Variants in KIF26A observed in about 807,000 individuals in gnomAD.
KIF26A encodes the protein kinesin family member 26A, also known as kinesin-like protein KIF26A.
A neutral mutation model predicts 126.0 loss-of-function variants in KIF26A; 74 were observed. The ratio of observed to expected loss-of-function variants is 0.59; its 90% CI spans 0.49 to 0.71. KIF26A has a LOEUF of 0.71. Ranked by LOEUF, KIF26A falls within the 30% of genes least tolerant of loss-of-function variation. The probability of loss-of-function intolerance (pLI) is 0.00; values close to 1 mark genes in which losing one functional copy is unlikely to be tolerated. For missense variants in KIF26A, 2,984 were observed against 2,763.3 expected (o/e 1.08, Z -1.79); for synonymous variants, 1,445 against 1,232.7 (o/e 1.17, Z -3.61).
intron 2 of KIF26A, among the ~76,000 whole-genome samples, chr14:104,144,836 G>A (rs183742540): frequency 6.6e-6 from 1 of 152,244 alleles, no homozygotes; most frequent in African/African-American, 2.4e-5. Flanking sequence ...GAGTAAATAA[G>A]TAAGAGTAAA....
In KIF26A at chr14:104,177,533, C is replaced by CGTGGGGCTCGGCGGACTCAGACA; in HGVS notation, c.4747_4769dup (p.His1592AlafsTer13). 1 of 1,536,756 alleles carries CGTGGGGCTCGGCGGACTCAGACA rather than the reference C, an allele frequency of 6.5e-7. No homozygotes were observed. The highest frequency in any genetic ancestry group is 8.7e-7 in the Non-Finnish European group (1 of 1,146,946). On this transcript the variant is annotated frameshift_variant, in exon 12 of 15. Coordinates refer to ENST00000423312, the MANE Select transcript of KIF26A (RefSeq NM_015656.2). LOFTEE classifies it high-confidence loss of function. ...GGAGCCCCGGGCCGAGGTGGCTCCT[C>CGTGGGGCTCGGCGGACTCAGACA]GTGGGGCTCGGCGGACTCAGACAGC...
intron 4 of KIF26A, among the ~76,000 whole-genome samples, chr14:104,159,172 G>A (rs1247027748): frequency 6.6e-6 from 1 of 152,214 alleles, no homozygotes; most frequent in Non-Finnish European, 1.5e-5. Flanking sequence ...CCCCAATTAG[G>A]TGCCGAGAGC....
chr14:104,165,760 T>C (rs886966839), intron 4 of KIF26A, among the ~76,000 whole-genome samples: 1 of 151,838 alleles, frequency 6.6e-6, no homozygotes, highest in African/African-American at 2.4e-5. Context: ...TGTGTTTCTG[T>C]ATGCATGTGT....
In KIF26A at chr14:104,172,049, C is replaced by A. The variant is rs924916339; in HGVS notation, c.1326+114C>A. 38 of 1,025,440 alleles carry A rather than the reference C, an allele frequency of 3.7e-5. No homozygotes were observed. The African/African-American group carries it at 3.9e-4, about 10-fold the overall frequency. The allele number at this position is 1,025,440 out of a possible 1,614,324, so 63.5% of individuals were successfully genotyped here. On this transcript the variant is annotated intron_variant, in intron 6 of 14. Coordinates refer to ENST00000423312, the MANE Select transcript of KIF26A (RefSeq NM_015656.2). ...GTGCAGGGCGCAGAGGAAGCGTGAG[C>A]GAGGGGCCCGCTGCCTGCGGCGCCT...
intron 6 of KIF26A, 22 bp downstream of exon 6, chr14:104,171,957 G>T: frequency 6.5e-7 from 1 of 1,544,214 alleles, no homozygotes; most frequent in South Asian, 1.2e-5. Flanking sequence ...CGGACTGGGC[G>T]TCCTCCCGGA....
At position 104,173,062 on chromosome 14, in the gene KIF26A, C is replaced by T; in HGVS notation, c.1506C>T (p.Leu502=). The part of the protein sequence containing the change: ...VPCAISWLFR[L]IEERRERTGT... ...GCGCCATCTCCTGGCTCTTCAGGCT[C>T]ATCGAGGAGCGCAGGGAGAGGACGG... Residue 502 remains leucine, a synonymous_variant, in exon 8 of 15, where the codon CTC becomes CTT. Coordinates refer to ENST00000423312, the MANE Select transcript of KIF26A (RefSeq NM_015656.2). 3.1e-6 allele frequency: 5 copies of T among 1,605,538 alleles called. No homozygotes were observed. In the East Asian group the frequency reaches 6.7e-5, roughly 22 times the overall value.
At position 104,178,900 on chromosome 14, in the gene KIF26A, A is replaced by G. The variant is rs1390060770; in HGVS notation, c.5316+145A>G. 9 of 595,522 alleles carry G rather than the reference A, an allele frequency of 1.5e-5. No homozygotes were observed. In the South Asian group the frequency reaches 1.8e-4, roughly 12 times the overall value. 36.9% of individuals were successfully genotyped at this position (595,522 alleles called of 1,614,324 possible). A position where few individuals can be genotyped will look rare whatever the true frequency, so the allele number is the denominator to read the frequency against. ...CTCACTTTCTGTCCACGTTCCTCCC[A>G]GGACGCAAAGGTAGGAGCGGCCCTG... On this transcript the variant is annotated intron_variant, in intron 13 of 14. Transcript: ENST00000423312.
At position 104,150,428 on chromosome 14, in the gene KIF26A, G is replaced by A. The variant is rs146383274; in HGVS notation, c.289-1587G>A. 2.0e-4 allele frequency among the ~76,000 whole-genome samples: 31 copies of A among 151,926 alleles called. No individual in the cohort carries two copies. In the East Asian group the frequency reaches 5.1e-3, roughly 25 times the overall value. On this transcript the variant is annotated intron_variant, in intron 2 of 14. Transcript: ENST00000423312. Reference sequence around the variant, plus strand: ...CCTGATGGGGGTCGCCTTTTCATGCGACCTGCCTGGGACTGTGGGGAGTGT... The same window carrying A: ...CCTGATGGGGGTCGCCTTTTCATGCAACCTGCCTGGGACTGTGGGGAGTGT...
intron 3 of KIF26A, among the ~76,000 whole-genome samples, chr14:104,154,328 G>A (rs1211723977): frequency 6.6e-6 from 1 of 152,196 alleles, no homozygotes; most frequent in Non-Finnish European, 1.5e-5. Context: ...TTTGGCCTCG[G>A]CCGAGGCTTG....
In KIF26A at chr14:104,138,762, G is replaced by A; in HGVS notation, c.40G>A (p.Ala14Thr). 1 of 1,257,486 alleles carries A rather than the reference G, an allele frequency of 8.0e-7. No homozygotes were observed. Among genetic ancestry groups the A allele is most frequent in the Non-Finnish European group, 1.0e-6 (1 of 1,003,868 alleles). 77.9% of individuals were successfully genotyped at this position (1,257,486 alleles called of 1,614,324 possible). A position where few individuals can be genotyped will look rare whatever the true frequency, so the allele number is the denominator to read the frequency against. ...CGTCCCTCTGTGCGCTGCGCAGCCC[G>A]CGGTACGCGCGGCCCGGCCTGGAGA... Reference protein sequence around the residue: ...RGVPLCAAQPAVAEGGPAREP... With the variant: ...RGVPLCAAQPTVAEGGPAREP... Residue 14 changes from alanine (A) to threonine (T), a missense_variant and splice_region_variant, in exon 1 of 15, where the codon GCG becomes ACG. Transcript: ENST00000423312.
chr14:104,151,716 G>T lies in KIF26A; in HGVS notation c.289-299G>T, dbSNP rs1482886331. 6.6e-6 allele frequency among the ~76,000 whole-genome samples: 1 copy of T among 152,194 alleles called. No homozygotes were observed. The highest frequency in any genetic ancestry group is 1.5e-5 in the Non-Finnish European group (1 of 68,036). ...CGGCCAGGCGGCCTTAGCTGACAGT[G>T]GTCCGGTTGTCCGGGAGCCGCAAAC... On this transcript the variant is annotated intron_variant, in intron 2 of 14. Coordinates refer to ENST00000423312, the MANE Select transcript of KIF26A (RefSeq NM_015656.2). The surrounding 1 kb of genome is among the most constrained non-coding windows in gnomAD (Gnocchi z 4.9).
chr14:104,177,270 T>C lies in KIF26A; in HGVS notation c.4482T>C (p.Pro1494=), dbSNP rs1215610784. The change falls in exon 12 of 15, where the codon CCT becomes CCC. Residue 1494 remains proline (P), a synonymous_variant. Coordinates refer to ENST00000423312, the MANE Select transcript of KIF26A (RefSeq NM_015656.2). ...AGGCTGTGGGGGCCCCCAAGCCCCC[T>C]GTTGGTGGAGGCAAGGGCCGTGGCC... ...AAKAVGAPKP[P]VGGGKGRGLV... 1 of 1,594,108 alleles carries C rather than the reference T, an allele frequency of 6.3e-7. No homozygotes were observed. Among genetic ancestry groups the C allele is most frequent in the Non-Finnish European group, 8.5e-7 (1 of 1,173,560 alleles).
At chr14:104,179,183 G>C in intron 13 of KIF26A, 53 bp from the exon 14 acceptor site, 1 of 1,412,660 alleles carries the variant, frequency 7.1e-7, no homozygotes, top group South Asian at 1.5e-5. Context: ...GCTGCTTGGG[G>C]GTCTCTGGGG....
chr14:104,169,611 G>A (rs542005305), intron 5 of KIF26A, among the ~76,000 whole-genome samples: 15 of 152,344 alleles, frequency 9.8e-5, no homozygotes, highest in African/African-American at 2.6e-4. Context: ...CCTGAAAGGC[G>A]TTTAATATTG....
In KIF26A at chr14:104,166,865, G is replaced by A. The variant is rs984236310; in HGVS notation, c.930G>A (p.Met310Ile). The change falls in exon 5 of 15, where the codon ATG becomes ATA. Residue 310 changes from methionine (M) to isoleucine (I), a missense_variant. Met to Ile is a conservative substitution (Grantham distance 10). Coordinates refer to ENST00000423312, the MANE Select transcript of KIF26A (RefSeq NM_015656.2). ...CTCTGCCTCTCCTCCCCAGGGCTATGCAGAAGCTCAGCCTGGCCTCCAAGA... is the reference window on the plus strand; with the variant it reads ...CTCTGCCTCTCCTCCCCAGGGCTATACAGAAGCTCAGCCTGGCCTCCAAGA... ...SAAASFFIRA[M>I]QKLSLASKRK... The A allele has an allele frequency of 8.3e-6, 13 of 1,574,014 alleles. No homozygotes were observed. The African/African-American group carries it at 9.5e-5, about 11-fold the overall frequency.
intron 3 of KIF26A, among the ~76,000 whole-genome samples, chr14:104,155,556 C>T (rs1008764569): frequency 5.3e-5 from 8 of 152,044 alleles, no homozygotes; most frequent in Admixed American, 1.3e-4. Context: ...CTTCTGCCCC[C>T]GTGTTGTGGT....
At chr14:104,149,901 C>T (rs1454850775) in intron 2 of KIF26A, among the ~76,000 whole-genome samples, 3 of 152,282 alleles carry the variant, frequency 2.0e-5, no homozygotes, top group South Asian at 2.1e-4. Context: ...CTCCAGCAGG[C>T]GGGGACTTCC....
chr14:104,141,891 T>C (rs1374892948), intron 2 of KIF26A, among the ~76,000 whole-genome samples: 2 of 152,194 alleles, frequency 1.3e-5, no homozygotes, highest in African/African-American at 4.8e-5. Flanking sequence ...CTCTGCGACA[T>C]GGGACCGTCT....
At chr14:104,149,688 G>A (rs2037709434) in intron 2 of KIF26A, among the ~76,000 whole-genome samples, 1 of 152,202 alleles carries the variant, frequency 6.6e-6, no homozygotes, top group Non-Finnish European at 1.5e-5. Context: ...GTGGTGGGTG[G>A]TGCATTCTCA....
Sources: gnomAD v4.1 joint callset for allele counts (sites outside exome capture counted in the v4.1 genomes callset) on GRCh38, gnomAD v4.1.1 for gene constraint, Gnocchi (gnomAD v3.1) non-coding constraint, MANE v1.5 for transcripts, NCBI Gene and HGNC (gene_info 2026-07-23, HGNC 2026-07-21) for gene names.